DCHS2: variants seen among roughly 807,000 people sequenced by gnomAD.
The protein encoded by DCHS2 is protocadherin-23.
In DCHS2, 142 loss-of-function variants were observed where a neutral mutation model predicts 182.4. The observed-to-expected ratio is 0.78, with a 90% CI of 0.68 to 0.89. The LOEUF is 0.89. DCHS2 is among the 40% of genes least tolerant of loss of function. DCHS2 has a pLI of 0.00. For synonymous variants in DCHS2, 1,740 were observed against 1,663.3 expected (o/e 1.05, Z -1.12); for missense variants, 4,319 against 4,198.6 (o/e 1.03, Z -0.79).
chr4:154,246,007 T>C (rs1010056267), intron 16 of DCHS2, among the ~76,000 whole-genome samples: 1 of 152,110 alleles, frequency 6.6e-6, no homozygotes, highest in Non-Finnish European at 1.5e-5. Flanking sequence ...ACAGGAAATC[T>C]CTGCACCATC....
In DCHS2 at chr4:154,401,284, A is replaced by T. The variant is rs188410339; in HGVS notation, c.2053-23840T>A. Among the ~76,000 whole-genome samples, 260 of 152,334 alleles carry T rather than the reference A, an allele frequency of 1.7e-3. 3 individuals carry two copies. The highest frequency in any genetic ancestry group is 5.8e-3 in the African/African-American group (240 of 41,572). On this transcript the variant is annotated intron_variant, in intron 1 of 19. Coordinates refer to ENST00000357232, the MANE Select transcript of DCHS2 (RefSeq NM_001358235.2). ...ATTTATTTATCCATTCACCACGGAC[A>T]TCTGTTATTTCCATTTTGGAGTGAC...
intron 1 of DCHS2, among the ~76,000 whole-genome samples, chr4:154,384,930 T>A (rs560747482): frequency 6.6e-6 from 1 of 152,284 alleles, no homozygotes; most frequent in South Asian, 2.1e-4. Flanking sequence ...TTTTTATTTT[T>A]ATTTTTATTA....
Position 154,243,491 on chromosome 4 carries a change from T to A in DCHS2, c.6942-719A>T, listed in dbSNP as rs201723521. Reference sequence around the variant, plus strand: ...CACCCTTCCAATGTTCAACTAATTATGTATCTTATCGGTATTACCTCCTGG... The same window carrying A: ...CACCCTTCCAATGTTCAACTAATTAAGTATCTTATCGGTATTACCTCCTGG... On this transcript the variant is annotated intron_variant, in intron 16 of 19. Coordinates refer to ENST00000357232, the MANE Select transcript of DCHS2 (RefSeq NM_001358235.2). 3.0e-4 allele frequency among the ~76,000 whole-genome samples: 46 copies of A among 152,342 alleles called. No individual in the cohort carries two copies. In the East Asian group the frequency reaches 8.9e-3, roughly 29 times the overall value.
Position 154,315,767 on chromosome 4 carries a change from T to G in DCHS2, c.5241A>C (p.Glu1747Asp), listed in dbSNP as rs751531182. The G allele has an allele frequency of 6.2e-7, 1 of 1,614,086 alleles. No individual in the cohort carries two copies. The highest frequency in any genetic ancestry group is 8.5e-7 in the Non-Finnish European group (1 of 1,179,984). Residue 1747 changes from glutamate (E) to aspartate (D), a missense_variant, in exon 10 of 20, where the codon GAA becomes GAC. Glu to Asp is a conservative substitution (Grantham distance 45). Transcript: ENST00000357232. ...AATTACCTGAATCTCTGTCCAGAGC[T>G]TCAACCCTGGTAACAAACTCCCCTG... ...QNPGEFVTRV[E>D]ALDRDSGVNS...
At position 154,247,834 on chromosome 4, in the gene DCHS2, CA is replaced by C. The variant is rs558753596; in HGVS notation, c.6942-5063del. 1.4e-3 allele frequency among the ~76,000 whole-genome samples: 218 copies of C among 152,186 alleles called. 2 individuals are homozygous for C. The South Asian group carries it at 0.017, about 12-fold the overall frequency. ...AGACATTTTCAGACATGCAAAGGCT[CA>C]GATAATTTACTTCTGTGGCACCTTT... On this transcript the variant is annotated intron_variant, in intron 16 of 19. Coordinates refer to ENST00000357232, the MANE Select transcript of DCHS2 (RefSeq NM_001358235.2).
intron 1 of DCHS2, among the ~76,000 whole-genome samples, chr4:154,470,105 T>C (rs771434436): frequency 6.6e-6 from 1 of 151,976 alleles, no homozygotes; most frequent in Non-Finnish European, 1.5e-5. Flanking sequence ...GAATTAGTGA[T>C]TGTGAAAGAG....
intron 1 of DCHS2, among the ~76,000 whole-genome samples, chr4:154,385,137 T>C (rs1167810014): frequency 7.1e-6 from 1 of 141,818 alleles, no homozygotes; most frequent in African/African-American, 2.6e-5. Context: ...TGTGTTCTCA[T>C]TGTTCAATTC....
At chr4:154,417,842 C>G (rs1732939030) in intron 1 of DCHS2, among the ~76,000 whole-genome samples, 1 of 152,158 alleles carries the variant, frequency 6.6e-6, no homozygotes, top group Non-Finnish European at 1.5e-5. Flanking sequence ...ATTCTACTAC[C>G]AGAATATGGT....
At chr4:154,340,551 G>A (rs997584649) in intron 3 of DCHS2, among the ~76,000 whole-genome samples, 1 of 152,100 alleles carries the variant, frequency 6.6e-6, no homozygotes, top group Admixed American at 6.5e-5. Context: ...TTTAATAATA[G>A]TTTTTGAGGT....
chr4:154,274,135 C>G (rs1733724009), intron 13 of DCHS2, among the ~76,000 whole-genome samples: 1 of 152,086 alleles, frequency 6.6e-6, no homozygotes, highest in Admixed American at 6.6e-5. Context: ...TCACTGTCAG[C>G]CTATCGCTGT....
intron 12 of DCHS2, 121 bp from the exon 13 acceptor site, chr4:154,298,829 A>G: frequency 1.5e-6 from 2 of 1,349,560 alleles, no homozygotes; most frequent in Non-Finnish European, 1.9e-6. Flanking sequence ...ATTATATTGT[A>G]TCCTAGCACT....
At position 154,463,641 on chromosome 4, in the gene DCHS2, ACAGG is replaced by A. The variant is rs544434908; in HGVS notation, c.2052+25659_2052+25662del. Among the ~76,000 whole-genome samples the A allele has an allele frequency of 9.1e-4, 138 of 152,188 alleles. 1 individual carries two copies. Among genetic ancestry groups the A allele is most frequent in the Admixed American group, 8.6e-3 (131 of 15,260 alleles). ...TCCCTTAAGTCTTAGTACAAATAGT[ACAGG>A]CAGAGGTCATTAGGTAAACTAAAAA... On this transcript the variant is annotated intron_variant, in intron 1 of 19. Transcript: ENST00000357232.
chr4:154,247,635 C>CAAAAAAAAAAAAAAAAAAAAAAAA (rs67157369), intron 16 of DCHS2, among the ~76,000 whole-genome samples: 1 of 100,140 alleles, frequency 1.0e-5, no homozygotes, highest in African/African-American at 4.0e-5. Context: ...GACTCCGTCT[C>CAAAAAAAAAAAAAAAAAAAAAAAA]AAAAAAAAAA....
chr4:154,427,312 A>T (rs1338313157), intron 1 of DCHS2, among the ~76,000 whole-genome samples: 2 of 152,152 alleles, frequency 1.3e-5, no homozygotes, highest in Non-Finnish European at 2.9e-5. Context: ...TTGCTCTTGT[A>T]CCACCACAGA....
At chr4:154,456,820 T>G (rs1201233943) in intron 1 of DCHS2, among the ~76,000 whole-genome samples, 1 of 152,192 alleles carries the variant, frequency 6.6e-6, no homozygotes, top group Non-Finnish European at 1.5e-5. Flanking sequence ...GACTTTTTTC[T>G]TACATTCTGG....
rs186849957 is a variant in DCHS2 at position 154,241,467 on chromosome 4, T to C, written c.7073-644A>G. On this transcript the variant is annotated intron_variant, in intron 17 of 19. Transcript: ENST00000357232. ...AAAAATTACAAAATAGATGAAATGT[T>C]CAATGCCTCACTCACCACATATGTT... Among the ~76,000 whole-genome samples, 13 of 152,262 alleles carry C rather than the reference T, an allele frequency of 8.5e-5. No homozygotes were observed. In the East Asian group the frequency reaches 2.5e-3, roughly 29 times the overall value.
chr4:154,484,886 G>T (rs2111043881), intron 1 of DCHS2, among the ~76,000 whole-genome samples: 1 of 152,286 alleles, frequency 6.6e-6, no homozygotes, highest in African/African-American at 2.4e-5. Context: ...TTTTGGAGAT[G>T]ATCATACCTA....
chr4:154,351,650 C>T (rs531498438), intron 3 of DCHS2, among the ~76,000 whole-genome samples: 14 of 152,032 alleles, frequency 9.2e-5, no homozygotes, highest in East Asian at 1.9e-4. Flanking sequence ...ACAGGGCTGG[C>T]GGGGGAATGG....
At chr4:154,352,078 C>CA (rs1729646092) in intron 3 of DCHS2, among the ~76,000 whole-genome samples, 2 of 152,128 alleles carry the variant, frequency 1.3e-5, no homozygotes, top group Non-Finnish European at 2.9e-5. Context: ...CACATACATA[C>CA]ACACACAGAG....
Sources: gnomAD v4.1 joint callset for allele counts (sites outside exome capture counted in the v4.1 genomes callset) on GRCh38, gnomAD v4.1.1 for gene constraint, MANE v1.5 for transcripts, NCBI Gene and HGNC (gene_info 2026-07-23, HGNC 2026-07-21) for gene names.